Variants in MALRD1 observed in about 807,000 individuals in gnomAD.
The protein encoded by MALRD1 is MAM and LDL-receptor class A domain-containing protein 1.
A neutral mutation model predicts 242.1 loss-of-function variants in MALRD1; 247 were observed. The observed-to-expected ratio is 1.02, with a 90% CI of 0.92 to 1.13. The LOEUF is 1.13. Ranked by LOEUF, MALRD1 falls within the 50% of genes most tolerant of loss-of-function variation. The pLI is 0.00. For missense variants in MALRD1, 2,989 were observed against 2,533.1 expected, an observed-to-expected ratio of 1.18 and a Z score of -3.86; for synonymous variants, 995 against 866.6, an observed-to-expected ratio of 1.15 and a Z score of -2.60.
At chr10:19,445,611 A>G (rs1295240898) in intron 28 of MALRD1, among the ~76,000 whole-genome samples, 1 of 152,234 alleles carries the variant, frequency 6.6e-6, no homozygotes, top group Non-Finnish European at 1.5e-5. Context: ...TGGAGGCTGC[A>G]GAACAGCAAA....
intron 28 of MALRD1, among the ~76,000 whole-genome samples, chr10:19,437,930 A>G (rs1021995275): frequency 6.6e-6 from 1 of 152,056 alleles, no homozygotes; most frequent in Non-Finnish European, 1.5e-5. Context: ...GCCCCATTCC[A>G]AGTCCTTCCT....
At chr10:19,121,960 G>C (rs1204110735) in intron 5 of MALRD1, among the ~76,000 whole-genome samples, 1 of 152,206 alleles carries the variant, frequency 6.6e-6, no homozygotes, top group African/African-American at 2.4e-5. Flanking sequence ...CCAATGGAGT[G>C]AGTAGTCATG....
At chr10:19,534,575 GA>G (rs1371818102) in intron 32 of MALRD1, among the ~76,000 whole-genome samples, 1 of 151,866 alleles carries the variant, frequency 6.6e-6, no homozygotes, top group Non-Finnish European at 1.5e-5. Context: ...CTTGTGGTGG[GA>G]AAAAAACTTC....
chr10:19,447,838 T>C (rs1835086161), intron 28 of MALRD1, among the ~76,000 whole-genome samples: 3 of 152,170 alleles, frequency 2.0e-5, no homozygotes, highest in Admixed American at 2.0e-4. Flanking sequence ...GAAGGACTTA[T>C]CTTCTTTAGT....
intron 24 of MALRD1, among the ~76,000 whole-genome samples, chr10:19,334,001 G>C (rs1843498296): frequency 6.6e-6 from 1 of 151,052 alleles, no homozygotes; most frequent in Non-Finnish European, 1.5e-5. Flanking sequence ...GTTGTTTTTT[G>C]ATTGCTGAAT....
At chr10:19,374,895 C>G (rs1302785119) in intron 26 of MALRD1, among the ~76,000 whole-genome samples, 1 of 152,076 alleles carries the variant, frequency 6.6e-6, no homozygotes, top group Non-Finnish European at 1.5e-5. Flanking sequence ...GGATTTCATT[C>G]TGGGCAGTCA....
chr10:19,575,788 C>T (rs12252347), intron 33 of MALRD1, among the ~76,000 whole-genome samples: 9,984 of 152,190 alleles, frequency 0.066, 372 homozygotes, highest in African/African-American at 0.1. Context: ...ACCTTTTCTT[C>T]TCCCAGTTTC....
intron 36 of MALRD1, among the ~76,000 whole-genome samples, chr10:19,682,100 GT>G (rs1213866962): frequency 6.6e-6 from 1 of 151,958 alleles, no homozygotes; most frequent in Admixed American, 6.6e-5. Context: ...AAAACTTTTT[GT>G]TTTTTACTTT....
intron 31 of MALRD1, among the ~76,000 whole-genome samples, chr10:19,503,573 T>C (rs1262676166): frequency 6.6e-6 from 1 of 152,232 alleles, no homozygotes; most frequent in Non-Finnish European, 1.5e-5. Context: ...GTGACATTTA[T>C]GTAGCTTGAA....
At chr10:19,527,463 T>C (rs1414588114) in intron 31 of MALRD1, among the ~76,000 whole-genome samples, 2 of 152,298 alleles carry the variant, frequency 1.3e-5, no homozygotes, top group East Asian at 3.9e-4. Context: ...TTGGTTAAAT[T>C]TGTGTCAGTG....
intron 1 of MALRD1, among the ~76,000 whole-genome samples, chr10:19,049,709 C>T (rs1375743102): frequency 6.6e-6 from 1 of 151,994 alleles, no homozygotes; most frequent in Non-Finnish European, 1.5e-5. Flanking sequence ...ATCCAGGACC[C>T]AAATCTCCTG....
intron 17 of MALRD1, among the ~76,000 whole-genome samples, chr10:19,205,520 C>T (rs1836745112): frequency 6.6e-6 from 1 of 151,288 alleles, no homozygotes; most frequent in Non-Finnish European, 1.5e-5. Context: ...AGCTTACAAT[C>T]TTACTGAAAG....
intron 28 of MALRD1, among the ~76,000 whole-genome samples, chr10:19,420,782 A>T (rs1375314283): frequency 1.3e-5 from 2 of 152,208 alleles, no homozygotes; most frequent in African/African-American, 4.8e-5. Context: ...TACACAATAA[A>T]TGCAGTGCAC....
intron 18 of MALRD1, among the ~76,000 whole-genome samples, chr10:19,241,197 G>GGTT (rs144416098): frequency 0.078 from 11,829 of 151,702 alleles, 594 homozygotes; most frequent in Non-Finnish European, 0.11. Context: ...CCTGGGTGTT[G>GGTT]GTTGTTGTTG....
chr10:19,708,748 G>A (rs1833977602), intron 38 of MALRD1, among the ~76,000 whole-genome samples: 1 of 121,934 alleles, frequency 8.2e-6, no homozygotes, highest in African/African-American at 2.6e-5. Flanking sequence ...CACAACCTCC[G>A]CCTCCCAGGT....
chr10:19,479,890 T>C (rs1239032602), intron 29 of MALRD1, among the ~76,000 whole-genome samples: 1 of 152,136 alleles, frequency 6.6e-6, no homozygotes, highest in Non-Finnish European at 1.5e-5. Flanking sequence ...TGTGGGGAAG[T>C]CTGTATGGAC....
At chr10:19,729,825 C>T (rs1835210476) in intron 38 of MALRD1, among the ~76,000 whole-genome samples, 1 of 146,078 alleles carries the variant, frequency 6.8e-6, no homozygotes. Flanking sequence ...CAAGCTCCGC[C>T]TCCCGGGTTC....
intron 38 of MALRD1, among the ~76,000 whole-genome samples, chr10:19,715,281 A>G (rs1023653676): frequency 2.6e-5 from 4 of 151,796 alleles, no homozygotes; most frequent in Non-Finnish European, 5.9e-5. Context: ...CTTACCATAT[A>G]AGAAACTAAA....
chr10:19,204,335 G>A lies in MALRD1; in HGVS notation c.2132G>A (p.Ser711Asn). ...QGHFMFILKK[S>N]SSLWQVAKLQ... ...CATTTTATGTTCATTCTGAAGAAAAGCAGCAGCTTGTGGCAAGTTGCTAAG... is the reference window on the plus strand; with the variant it reads ...CATTTTATGTTCATTCTGAAGAAAAACAGCAGCTTGTGGCAAGTTGCTAAG... Residue 711 changes from serine to asparagine, a missense_variant, in exon 16 of 40, where the codon AGC (serine) becomes AAC (asparagine). Transcript: ENST00000454679. 6.7e-7 allele frequency: 1 copy of A among 1,492,042 alleles called. No individual in the cohort carries two copies. The highest frequency in any genetic ancestry group is 9.0e-7 in the Non-Finnish European group (1 of 1,113,666). The allele number at this position is 1,492,042 out of a possible 1,614,324, so 92.4% of individuals were successfully genotyped here.
Sources: gnomAD v4.1 joint callset for allele counts (sites outside exome capture counted in the v4.1 genomes callset) on GRCh38, gnomAD v4.1.1 for gene constraint, MANE v1.5 for transcripts, NCBI Gene and HGNC (gene_info 2026-07-23, HGNC 2026-07-21) for gene names.